RC3H2: variants seen among roughly 807,000 people sequenced by gnomAD.
RC3H2 encodes the protein roquin-2.
RC3H2 carries 31 observed loss-of-function variants against 133.3 expected under a neutral mutation model. The observed-to-expected ratio is 0.23, with a 90% confidence interval of 0.17 to 0.31. The LOEUF (loss-of-function observed/expected upper bound fraction) is 0.31, where lower values mean the gene tolerates loss of function less well. Ranked by LOEUF, RC3H2 falls within the 10% of genes least tolerant of loss-of-function variation. The pLI, the probability that RC3H2 is intolerant of heterozygous loss-of-function variation, is 1.00. For missense variants in RC3H2, 1,175 were observed against 1,437.2 expected (o/e 0.82, Z 2.95); for synonymous variants, 517 against 502.2 (o/e 1.03, Z -0.40).
intron 4 of RC3H2, among the ~76,000 whole-genome samples, chr9:122,884,850 T>C (rs1354031449): frequency 1.5e-5 from 2 of 136,180 alleles, no homozygotes; most frequent in Non-Finnish European, 3.1e-5. Flanking sequence ...AAAGTCCGTC[T>C]CCAAAAAAAA....
At chr9:122,875,266 T>C (rs1170014955) in intron 9 of RC3H2, 3 of 1,551,010 alleles carry the variant, frequency 1.9e-6, no homozygotes. Context: ...TTATCTTCTC[T>C]CTATCACAAT....
At chr9:122,902,777 G>T (rs1288697106) in intron 1 of RC3H2, among the ~76,000 whole-genome samples, 1 of 151,096 alleles carries the variant, frequency 6.6e-6, no homozygotes, top group Non-Finnish European at 1.5e-5. Context: ...GCTTGAACCT[G>T]GAAGCAGAGG....
chr9:122,868,264 G>C (rs1033151495), intron 9 of RC3H2, among the ~76,000 whole-genome samples: 2 of 152,246 alleles, frequency 1.3e-5, no homozygotes, highest in Admixed American at 1.3e-4. Flanking sequence ...ATTGAGAACG[G>C]GCCATGATGA....
At chr9:122,880,486 TA>T in intron 6 of RC3H2, 107 bp downstream of exon 6, 1 of 900,192 alleles carries the variant, frequency 1.1e-6, no homozygotes, top group Non-Finnish European at 1.7e-6. Flanking sequence ...GTCTGACATT[TA>T]AAAACATAGG....
intron 9 of RC3H2, among the ~76,000 whole-genome samples, chr9:122,866,392 A>G (rs1290715303): frequency 4.6e-5 from 1 of 21,754 alleles, no homozygotes; most frequent in Non-Finnish European, 9.1e-5. Flanking sequence ...CCCTCTCCCC[A>G]CGGTCTCCCT....
chr9:122,897,804 T>C (rs1244659333), intron 1 of RC3H2: 2 of 262,758 alleles, frequency 7.6e-6, no homozygotes, highest in South Asian at 9.0e-5. Context: ...TGTATTTATA[T>C]TGGTTGCTCA....
At chr9:122,859,490 C>T (rs964732781) in intron 11 of RC3H2, among the ~76,000 whole-genome samples, 3 of 152,056 alleles carry the variant, frequency 2.0e-5, no homozygotes, top group Admixed American at 6.6e-5. Flanking sequence ...TATTAACAGA[C>T]GGATGGTAAA....
rs114406313 is a variant in RC3H2, at chr9:122,869,715, G to T, written c.1326-4058C>A. Reference sequence around the variant, plus strand: ...GTACAGGTGCACATTATAGGCGCGCGCCTGCCAACACACCTGGCTAATTTT... The same window carrying T: ...GTACAGGTGCACATTATAGGCGCGCTCCTGCCAACACACCTGGCTAATTTT... On this transcript the variant is annotated intron_variant, in intron 9 of 20. Coordinates refer to ENST00000357244, the MANE Select transcript of RC3H2 (RefSeq NM_001100588.3). Among the ~76,000 whole-genome samples, 495 of 151,904 alleles carry T rather than the reference G, an allele frequency of 3.3e-3. 2 individuals carry two copies. The highest frequency in any genetic ancestry group is 0.011 in the African/African-American group (457 of 41,420).
rs1554768715 is a variant in RC3H2 at position 122,861,515 on chromosome 9, G to GAAAAGA, written c.1635-1385_1635-1384insTCTTTT. On this transcript the variant is annotated intron_variant, in intron 10 of 20. Transcript: ENST00000357244. ...CAAAAAAAAAAAAAAAAAAAGAAAA[G>GAAAAGA]AAAAAAAACCATATATATATGGCCA... 3.5e-3 allele frequency among the ~76,000 whole-genome samples: 474 copies of GAAAAGA among 135,706 alleles called. 21 individuals are homozygous for GAAAAGA. Among genetic ancestry groups the GAAAAGA allele is most frequent in the Non-Finnish European group, 4.7e-3 (298 of 63,740 alleles). 89.0% of individuals were successfully genotyped at this position (135,706 alleles called of 152,430 possible).
At chr9:122,863,746 T>TG (rs1445035958) in intron 10 of RC3H2, among the ~76,000 whole-genome samples, 4 of 152,176 alleles carry the variant, frequency 2.6e-5, no homozygotes, top group Non-Finnish European at 4.4e-5. Context: ...AAAGTCCTTT[T>TG]TTTTTTTGAG....
rs1008134068 is a variant in RC3H2, at chr9:122,849,285, A to G, written c.*342T>C. On this transcript the variant is annotated 3_prime_UTR_variant, in exon 21 of 21. Coordinates refer to ENST00000357244, the MANE Select transcript of RC3H2 (RefSeq NM_001100588.3). ...CTGCTAGTTTAATAACTGAGTTGTT[A>G]ATTTTCTATAGAAGCCATTTAAAAT... 10 of 152,218 alleles carry G rather than the reference A, an allele frequency of 6.6e-5. No homozygotes were observed. Among genetic ancestry groups the G allele is most frequent in the African/African-American group, 2.4e-4 (10 of 41,440 alleles). The allele number at this position is 152,218 out of a possible 1,614,324, so 9.4% of individuals were successfully genotyped here.
intron 10 of RC3H2, among the ~76,000 whole-genome samples, chr9:122,863,411 A>AT (rs1490669176): frequency 9.2e-5 from 14 of 152,214 alleles, no homozygotes; most frequent in Admixed American, 9.2e-4. Context: ...AGTCCCTAAT[A>AT]TAAGCCTTCA....
chr9:122,879,005 C>T (rs1168195266), intron 8 of RC3H2, among the ~76,000 whole-genome samples: 1 of 150,816 alleles, frequency 6.6e-6, no homozygotes, highest in African/African-American at 2.4e-5. Context: ...GATCCACTCA[C>T]CTCAACCTCC....
At chr9:122,880,240 A>G (rs764426949) in intron 6 of RC3H2, 115 bp from the exon 7 acceptor site, 21 of 1,166,146 alleles carry the variant, frequency 1.8e-5, no homozygotes, top group Non-Finnish European at 2.6e-5. Flanking sequence ...CAGATTCCAC[A>G]GTAGGAGTAT....
intron 9 of RC3H2, chr9:122,875,427 G>A (rs1428528720): frequency 1.4e-6 from 2 of 1,452,088 alleles, no homozygotes; most frequent in South Asian, 1.5e-5. Flanking sequence ...TCTGTAAAGG[G>A]TTTTTATAAA....
intron 8 of RC3H2, 59 bp downstream of exon 8, chr9:122,879,696 G>T: frequency 8.9e-7 from 1 of 1,127,288 alleles, no homozygotes; most frequent in Non-Finnish European, 1.3e-6. Flanking sequence ...TGGTTAAGAT[G>T]TTCAGGATGA....
chr9:122,866,102 G>C (rs917945205), intron 9 of RC3H2, among the ~76,000 whole-genome samples: 5 of 152,030 alleles, frequency 3.3e-5, no homozygotes, highest in African/African-American at 1.2e-4. Context: ...ATTTTCTGTT[G>C]TTACCAAACT....
chr9:122,860,464 C>T (rs1238706122), intron 10 of RC3H2, among the ~76,000 whole-genome samples: 1 of 143,414 alleles, frequency 7.0e-6, no homozygotes, highest in African/African-American at 2.6e-5. Context: ...CTGGAGTGCA[C>T]TGACATAATC....
At chr9:122,852,313 C>A (rs1298348405) in intron 18 of RC3H2, among the ~76,000 whole-genome samples, 1 of 150,238 alleles carries the variant, frequency 6.7e-6, no homozygotes, top group East Asian at 2.0e-4. Flanking sequence ...GCCGCCCCGT[C>A]TGAGAAGTGA....
Sources: gnomAD v4.1 joint callset for allele counts (sites outside exome capture counted in the v4.1 genomes callset) on GRCh38, gnomAD v4.1.1 for gene constraint, MANE v1.5 for transcripts, NCBI Gene and HGNC (gene_info 2026-07-23, HGNC 2026-07-21) for gene names.